RBM44: variants seen among roughly 807,000 people sequenced by gnomAD.
The protein encoded by RBM44 is RNA binding motif protein 44.
In RBM44, 66 loss-of-function variants were observed where a neutral mutation model predicts 105.1. That is an observed-to-expected ratio of 0.63 (90% CI 0.52 to 0.77). The LOEUF is 0.77. Among genes scored for constraint, RBM44 ranks in the 30% least tolerant of loss-of-function variants. RBM44 has a pLI of 0.00. For missense variants in RBM44, 1,122 were observed against 1,207.8 expected (o/e 0.93, Z 1.05); for synonymous variants, 365 against 417.6 (o/e 0.87, Z 1.54).
chr2:237,827,631 G>A (rs2150985653), intron 12 of RBM44, 128 bp downstream of exon 12: 1 of 635,420 alleles, frequency 1.6e-6, no homozygotes, highest in Admixed American at 3.0e-5. Context: ...ACAGGCCAGG[G>A]AAGGGGACAT....
At chr2:237,809,581 C>A (rs918009587) in intron 1 of RBM44, among the ~76,000 whole-genome samples, 1 of 152,154 alleles carries the variant, frequency 6.6e-6, no homozygotes, top group East Asian at 1.9e-4. Flanking sequence ...TCTCTTCAAC[C>A]TTTTTCAACT....
intron 8 of RBM44, among the ~76,000 whole-genome samples, chr2:237,823,217 C>CACAAA (rs1163176159): frequency 6.6e-6 from 1 of 151,898 alleles, no homozygotes; most frequent in East Asian, 1.9e-4. Context: ...AGTCATTATA[C>CACAAA]ACAGACTGGA....
At position 237,841,762 on chromosome 2, in the gene RBM44, C is replaced by T. The variant is rs1197972232; in HGVS notation, c.*23-77C>T. The T allele has an allele frequency of 6.6e-6, 1 of 152,116 alleles. No homozygotes were observed. Among genetic ancestry groups the T allele is most frequent in the Non-Finnish European group, 1.5e-5 (1 of 67,998 alleles). The allele number at this position is 152,116 out of a possible 1,614,324, so 9.4% of individuals were successfully genotyped here. On this transcript the variant is annotated intron_variant, in intron 15 of 15. Transcript: ENST00000316997. The surrounding 1 kb of genome is among the most constrained non-coding windows in gnomAD (Gnocchi z 4.5). ...AAAGATATTCTAGTACCATTAGAAA[C>T]AATCAAGTGTCTAGGAATGTACTTA...
chr2:237,830,872 T>G (rs531824426), intron 13 of RBM44, among the ~76,000 whole-genome samples: 2 of 152,208 alleles, frequency 1.3e-5, no homozygotes, highest in South Asian at 4.1e-4. Flanking sequence ...ATTGTAGCTA[T>G]TTAGTCTCTT....
intron 11 of RBM44, 44 bp from the exon 12 acceptor site, chr2:237,827,389 T>C (rs1378898926): frequency 6.8e-7 from 1 of 1,459,986 alleles, no homozygotes; most frequent in South Asian, 1.3e-5. Flanking sequence ...TCATATTTGT[T>C]GTTTTTTTCT....
chr2:237,807,799 G>A (rs1261942429), intron 1 of RBM44, among the ~76,000 whole-genome samples: 1 of 152,118 alleles, frequency 6.6e-6, no homozygotes, highest in African/African-American at 2.4e-5. Flanking sequence ...ATACTTTTCT[G>A]GGTAGCCTAG....
Position 237,810,992 on chromosome 2 carries a change from T to C in RBM44, c.-18-2600T>C, listed in dbSNP as rs370313203. 1.7e-4 allele frequency among the ~76,000 whole-genome samples: 26 copies of C among 152,182 alleles called. No homozygotes were observed. The South Asian group carries it at 5.2e-3, about 30-fold the overall frequency. On this transcript the variant is annotated intron_variant, in intron 1 of 15. Coordinates refer to ENST00000316997, the MANE Select transcript of RBM44 (RefSeq NM_001080504.3). Reference sequence around the variant, plus strand: ...CCATTACTGTGGTGACCTTTGAACATTGTCTATAAAGTGGCCAGGGAAGGT... The same window carrying C: ...CCATTACTGTGGTGACCTTTGAACACTGTCTATAAAGTGGCCAGGGAAGGT...
chr2:237,832,394 T>C (rs1461448090), intron 13 of RBM44, among the ~76,000 whole-genome samples: 1 of 152,214 alleles, frequency 6.6e-6, no homozygotes, highest in Non-Finnish European at 1.5e-5. Context: ...CCTCAAGTGA[T>C]CCTTCCACCT....
In RBM44 at chr2:237,827,343, AT is replaced by A. The variant is rs758552265; in HGVS notation, c.2529+21del. On this transcript the variant is annotated intron_variant, in intron 11 of 15. Transcript: ENST00000316997. ...TCAGTATCTGAGGTATACCAGGATT[AT>A]TTTTTTGAGCTTCATTTTCAAATTT... is the stretch of plus-strand genomic sequence containing the variant. 1.8e-5 allele frequency: 27 copies of A among 1,527,210 alleles called. No homozygotes were observed. Among genetic ancestry groups the A allele is most frequent in the Admixed American group, 3.7e-5 (2 of 53,928 alleles). 94.6% of individuals were successfully genotyped at this position (1,527,210 alleles called of 1,614,324 possible). A position where few individuals can be genotyped will look rare whatever the true frequency, so the allele number is the denominator to read the frequency against.
At chr2:237,808,565 T>A (rs1001303640) in intron 1 of RBM44, among the ~76,000 whole-genome samples, 2 of 151,836 alleles carry the variant, frequency 1.3e-5, no homozygotes, top group African/African-American at 4.8e-5. Context: ...CACATCAAAA[T>A]TAGTTAGAAC....
chr2:237,803,314 C>T lies in RBM44; in HGVS notation c.-19+4453C>T, dbSNP rs1366138932. ...GGTGACAGAGCGAGACACACACACA[C>T]ACACATACTCTCTCTCTCACACACA... On this transcript the variant is annotated intron_variant, in intron 1 of 15. Transcript: ENST00000316997. This position sits in a 1 kb window ranked among gnomAD's most constrained non-coding sequence, Gnocchi z 4.2. Among the ~76,000 whole-genome samples the T allele has an allele frequency of 6.6e-6, 1 of 151,596 alleles. No homozygotes were observed. The highest frequency in any genetic ancestry group is 1.9e-4 in the East Asian group (1 of 5,154).
At chr2:237,826,229 A>C (rs2061846587) in intron 10 of RBM44, among the ~76,000 whole-genome samples, 1 of 152,102 alleles carries the variant, frequency 6.6e-6, no homozygotes, top group Non-Finnish European at 1.5e-5. Context: ...CATATAAATA[A>C]AAGCTACTTT....
At chr2:237,832,851 CT>C (rs1348701058) in intron 13 of RBM44, among the ~76,000 whole-genome samples, 1 of 152,228 alleles carries the variant, frequency 6.6e-6, no homozygotes, top group Non-Finnish European at 1.5e-5. Context: ...CTCTGGAAAA[CT>C]AATCTAACCT....
intron 15 of RBM44, among the ~76,000 whole-genome samples, chr2:237,839,687 A>C (rs1210523876): frequency 6.6e-6 from 1 of 152,092 alleles, no homozygotes; most frequent in Non-Finnish European, 1.5e-5. Context: ...AAATTATAAA[A>C]CTCTTAGAAG....
intron 2 of RBM44, among the ~76,000 whole-genome samples, chr2:237,816,030 G>A (rs1047197675): frequency 6.6e-6 from 1 of 152,080 alleles, no homozygotes; most frequent in African/African-American, 2.4e-5. Context: ...GATAATTCCT[G>A]TCATACTCGT....
chr2:237,825,315 C>T (rs1293088507), intron 10 of RBM44, among the ~76,000 whole-genome samples: 3 of 151,926 alleles, frequency 2.0e-5, no homozygotes, highest in Non-Finnish European at 2.9e-5. Context: ...CTTCACCTCC[C>T]GGGTTCAAGT....
At chr2:237,828,916 T>C (rs895783502) in intron 12 of RBM44, among the ~76,000 whole-genome samples, 3 of 151,350 alleles carry the variant, frequency 2.0e-5, no homozygotes, top group East Asian at 3.9e-4. Context: ...CCCAGACCAC[T>C]AATCTCTGCA....
intron 1 of RBM44, chr2:237,799,138 GC>G (rs1005238410): frequency 1.3e-5 from 2 of 152,194 alleles, no homozygotes; most frequent in Admixed American, 1.3e-4. Context: ...AAGTCGCGGG[GC>G]CGGTCTCCCA....
chr2:237,834,447 A>C, intron 15 of RBM44, 24 bp downstream of exon 15: 1 of 1,203,880 alleles, frequency 8.3e-7, no homozygotes, highest in Non-Finnish European at 1.1e-6. Flanking sequence ...ATTCTTTTGT[A>C]TTTGAATATT....
Sources: allele counts gnomAD v4.1 joint callset (sites outside exome capture counted in the v4.1 genomes callset), GRCh38; gene constraint gnomAD v4.1.1; non-coding constraint Gnocchi (gnomAD v3.1); transcripts MANE v1.5; gene names NCBI Gene and HGNC (gene_info 2026-07-23, HGNC 2026-07-21).